Variants in RTTN observed in about 807,000 individuals in gnomAD.
The protein encoded by RTTN is rotatin.
A neutral mutation model predicts 269.2 loss-of-function variants in RTTN; 182 were observed. That is an observed-to-expected ratio of 0.68 (90% CI 0.60 to 0.76). RTTN has a LOEUF of 0.76. Ranked by LOEUF, RTTN falls within the 30% of genes least tolerant of loss-of-function variation. The probability of loss-of-function intolerance (pLI) is 0.00; values close to 1 mark genes in which losing one functional copy is unlikely to be tolerated. For synonymous variants in RTTN, 1,006 were observed against 963.5 expected, an observed-to-expected ratio of 1.04 and a Z score of -0.82; for missense variants, 2,545 against 2,608.6, an observed-to-expected ratio of 0.98 and a Z score of 0.53.
chr18:70,141,289 A>G (rs2060251210), intron 19 of RTTN, among the ~76,000 whole-genome samples: 1 of 152,192 alleles, frequency 6.6e-6, no homozygotes, highest in Admixed American at 6.5e-5. Context: ...TCTCATAAAT[A>G]TTAAAGTACA....
chr18:70,036,236 C>T (rs975309650), intron 40 of RTTN, among the ~76,000 whole-genome samples: 3 of 152,172 alleles, frequency 2.0e-5, no homozygotes, highest in Non-Finnish European at 4.4e-5. Context: ...CATAAAGACA[C>T]ATGAATACAA....
At chr18:70,113,212 C>T (rs1236748093) in intron 27 of RTTN, among the ~76,000 whole-genome samples, 1 of 152,002 alleles carries the variant, frequency 6.6e-6, no homozygotes. Context: ...GCCAATATCC[C>T]TGATGCACAC....
intron 33 of RTTN, among the ~76,000 whole-genome samples, 199 bp from the exon 34 acceptor site, chr18:70,074,193 T>C (rs1393740816): frequency 6.6e-6 from 1 of 151,640 alleles, no homozygotes; most frequent in Non-Finnish European, 1.5e-5. Flanking sequence ...TAAGAATCAC[T>C]GAGAGCTTGC....
chr18:70,077,104 GCTT>G (rs2058447876), intron 32 of RTTN, among the ~76,000 whole-genome samples: 1 of 151,824 alleles, frequency 6.6e-6, no homozygotes, highest in African/African-American at 2.4e-5. Flanking sequence ...GGGTTTACTA[GCTT>G]CACTCCATCT....
intron 26 of RTTN, among the ~76,000 whole-genome samples, chr18:70,118,852 A>T (rs888242657): frequency 6.6e-6 from 1 of 152,188 alleles, no homozygotes; most frequent in Non-Finnish European, 1.5e-5. Context: ...TTATACCAAC[A>T]GATGCAGAAA....
intron 34 of RTTN, among the ~76,000 whole-genome samples, chr18:70,066,454 A>T (rs2058137393): frequency 6.6e-6 from 1 of 152,234 alleles, no homozygotes; most frequent in Admixed American, 6.5e-5. Flanking sequence ...AAATATAACA[A>T]AATCCGTGGA....
chr18:70,086,853 A>T (rs748274430), intron 31 of RTTN, among the ~76,000 whole-genome samples, 169 bp from the exon 32 acceptor site: 7 of 151,984 alleles, frequency 4.6e-5, no homozygotes, highest in Non-Finnish European at 8.8e-5. Context: ...GTCAAACTGT[A>T]TTTCTTGTTA....
chr18:70,192,085 T>C (rs892063419), intron 8 of RTTN, among the ~76,000 whole-genome samples: 3 of 152,102 alleles, frequency 2.0e-5, no homozygotes, highest in Non-Finnish European at 2.9e-5. Flanking sequence ...ATAATAATAA[T>C]ACTAATGCTA....
At position 70,166,135 on chromosome 18, in the gene RTTN, A is replaced by ATTTCT; in HGVS notation, c.1855_1856insAGAAA (p.Leu619GlnfsTer14). On this transcript the variant is annotated frameshift_variant, in exon 14 of 49. Coordinates refer to ENST00000640769, the MANE Select transcript of RTTN (RefSeq NM_173630.4). LOFTEE classifies it high-confidence loss of function. ...CAATGGGTGAGACAACATATGGAGA[A>ATTTCT]GCACCTTCTGACTTTCTCCTTGTAG... The ATTTCT allele has an allele frequency of 6.2e-7, 1 of 1,613,844 alleles. No individual in the cohort carries two copies.
chr18:70,109,403 C>T (rs2059402588), intron 28 of RTTN, 95 bp downstream of exon 28: 1 of 821,410 alleles, frequency 1.2e-6, no homozygotes, highest in Non-Finnish European at 2.0e-6. Context: ...GTATAATATT[C>T]TACATTGAAT....
intron 34 of RTTN, among the ~76,000 whole-genome samples, chr18:70,072,493 CT>C (rs1437558183): frequency 6.6e-6 from 1 of 151,884 alleles, no homozygotes; most frequent in Non-Finnish European, 1.5e-5. Flanking sequence ...GTATTCTAAC[CT>C]GTAAGATTAA....
chr18:70,114,132 T>C (rs975875343), intron 27 of RTTN, among the ~76,000 whole-genome samples: 25 of 152,138 alleles, frequency 1.6e-4, no homozygotes, highest in Non-Finnish European at 3.2e-4. Flanking sequence ...CATAAAGTCA[T>C]AGGCATAGGT....
chr18:70,137,756 C>G (rs2060158778), intron 21 of RTTN, among the ~76,000 whole-genome samples: 1 of 152,128 alleles, frequency 6.6e-6, no homozygotes, highest in African/African-American at 2.4e-5. Flanking sequence ...TTTCACCAAC[C>G]AATCTGACCA....
intron 41 of RTTN, 120 bp from the exon 42 acceptor site, chr18:70,030,229 A>G: frequency 1.6e-6 from 1 of 631,508 alleles, no homozygotes; most frequent in Non-Finnish European, 2.7e-6. Context: ...ACTTCATTTT[A>G]GAATTTTCAG....
intron 21 of RTTN, among the ~76,000 whole-genome samples, chr18:70,137,060 C>T (rs1253271515): frequency 6.6e-6 from 1 of 152,054 alleles, no homozygotes; most frequent in East Asian, 1.9e-4. Flanking sequence ...AAATATATTC[C>T]TAATGATAAC....
chr18:70,143,622 G>A (rs567319685), intron 18 of RTTN, among the ~76,000 whole-genome samples: 133 of 152,070 alleles, frequency 8.7e-4, no homozygotes, highest in Non-Finnish European at 1.6e-3. Flanking sequence ...GGCGGGAGAG[G>A]ATCTGAAAAA....
At chr18:70,205,066 A>T in intron 2 of RTTN, 62 bp downstream of exon 2, 2 of 1,510,906 alleles carry the variant, frequency 1.3e-6, no homozygotes, top group South Asian at 2.5e-5. Context: ...AAACGCTACA[A>T]TTAAATGACT....
chr18:70,199,671 GGATA>G (rs1229740479), intron 4 of RTTN, among the ~76,000 whole-genome samples, 167 bp from the exon 5 acceptor site: 1 of 152,124 alleles, frequency 6.6e-6, no homozygotes, highest in Non-Finnish European at 1.5e-5. Context: ...TTCTATCACA[GGATA>G]AATAAGAGAG....
chr18:70,158,409 T>A (rs1395098183), intron 14 of RTTN, among the ~76,000 whole-genome samples: 1 of 152,158 alleles, frequency 6.6e-6, no homozygotes, highest in Non-Finnish European at 1.5e-5. Context: ...GGGAATTCAT[T>A]ACCATGAGAC....
Sources: allele counts gnomAD v4.1 joint callset (sites outside exome capture counted in the v4.1 genomes callset), GRCh38; gene constraint gnomAD v4.1.1; transcripts MANE v1.5; gene names NCBI Gene and HGNC (gene_info 2026-07-23, HGNC 2026-07-21).